SOS2: variants seen among roughly 807,000 people sequenced by gnomAD.
The protein encoded by SOS2 is son of sevenless homolog 2.
SOS2 carries 65 observed loss-of-function variants against 148.2 expected under a neutral mutation model. The observed-to-expected ratio is 0.44, with a 90% CI of 0.36 to 0.54. The LOEUF is 0.54. Among genes scored for constraint, SOS2 ranks in the 20% least tolerant of loss-of-function variants. The pLI is 0.00. For missense variants in SOS2, 1,341 were observed against 1,590.2 expected, an observed-to-expected ratio of 0.84 and a Z score of 2.67; for synonymous variants, 539 against 537.1, an observed-to-expected ratio of 1.00 and a Z score of -0.05.
intron 1 of SOS2, among the ~76,000 whole-genome samples, chr14:50,218,982 G>A (rs1481684394): frequency 6.6e-6 from 1 of 151,960 alleles, no homozygotes; most frequent in African/African-American, 2.4e-5. Context: ...GCGTGGTGGG[G>A]CGTGCCTGTA....
chr14:50,140,710 T>C (rs909474930), intron 16 of SOS2, among the ~76,000 whole-genome samples: 2 of 151,802 alleles, frequency 1.3e-5, no homozygotes, highest in African/African-American at 2.4e-5. Flanking sequence ...CATGGACAAG[T>C]ATAAGAAATA....
At chr14:50,196,552 C>T (rs973323373) in intron 4 of SOS2, among the ~76,000 whole-genome samples, 1 of 151,922 alleles carries the variant, frequency 6.6e-6, no homozygotes, top group Non-Finnish European at 1.5e-5. Flanking sequence ...ATTAACCATC[C>T]CCATTTCCCC....
intron 1 of SOS2, among the ~76,000 whole-genome samples, chr14:50,210,891 T>C (rs1212489514): frequency 1.3e-5 from 2 of 152,172 alleles, no homozygotes; most frequent in Admixed American, 6.6e-5. Flanking sequence ...TAATATCAAA[T>C]GTTGGTAACT....
rs1282240540 is a variant in SOS2 at position 50,159,682 on chromosome 14, T to C, written c.1601A>G (p.Asn534Ser). Residue 534 changes from asparagine to serine, a missense_variant, in exon 10 of 23, where the codon AAC (asparagine) becomes AGC (serine). Around this residue, in one of 4 missense-constraint regions of SOS2, gnomAD observed 574 missense variants for 711.1 expected, o/e 0.81. Transcript: ENST00000216373. ...AAGAGAAATAAGGGCTGCCATCCAG[T>C]TGTTTTTTTCTTCAGCAGACTTAGC... ...FAAKSAEEKN[N>S]WMAALISLHY... The C allele has an allele frequency of 6.2e-7, 1 of 1,614,132 alleles. No individual in the cohort carries two copies. The highest frequency in any genetic ancestry group is 1.1e-5 in the South Asian group (1 of 91,084).
chr14:50,167,143 A>C (rs546204315), intron 8 of SOS2, among the ~76,000 whole-genome samples: 1 of 152,226 alleles, frequency 6.6e-6, no homozygotes, highest in African/African-American at 2.4e-5. Context: ...AAAAAAACAC[A>C]TAAGAAAGTT....
At chr14:50,181,980 T>C (rs1486170940) in intron 6 of SOS2, among the ~76,000 whole-genome samples, 1 of 144,478 alleles carries the variant, frequency 6.9e-6, no homozygotes, top group Non-Finnish European at 1.5e-5. Flanking sequence ...TCATCTTGAA[T>C]ATACTTACCA....
chr14:50,127,648 C>A (rs1002048299), intron 21 of SOS2, among the ~76,000 whole-genome samples: 2 of 152,146 alleles, frequency 1.3e-5, no homozygotes, highest in Non-Finnish European at 2.9e-5. Flanking sequence ...TCATTTAAGG[C>A]TCTGTATATT....
intron 5 of SOS2, among the ~76,000 whole-genome samples, chr14:50,186,222 TA>T (rs1284425114): frequency 1.3e-5 from 2 of 152,040 alleles, no homozygotes; most frequent in Admixed American, 1.3e-4. Context: ...CAGAGATAGA[TA>T]AAAAAGGGAT....
At chr14:50,211,669 G>A (rs1181047221) in intron 1 of SOS2, among the ~76,000 whole-genome samples, 1 of 151,746 alleles carries the variant, frequency 6.6e-6, no homozygotes, top group East Asian at 1.9e-4. Context: ...TGTTGCCCAG[G>A]CTGGCCTTGA....
In SOS2 at chr14:50,204,300, G is replaced by T; in HGVS notation, c.197C>A (p.Thr66Asn). The T allele has an allele frequency of 6.2e-7, 1 of 1,600,872 alleles. No individual in the cohort carries two copies. The highest frequency in any genetic ancestry group is 8.5e-7 in the Non-Finnish European group (1 of 1,173,766). Residue 66 changes from threonine (T) to asparagine (N), a missense_variant, in exon 2 of 23, where the codon ACT becomes AAT. By Grantham distance (65) the Thr-to-Asn change is moderately conservative. Around this residue, in one of 4 missense-constraint regions of SOS2, gnomAD observed 574 missense variants for 711.1 expected, o/e 0.81. Coordinates refer to ENST00000216373, the MANE Select transcript of SOS2 (RefSeq NM_006939.4). ...AATTTTTACCTCTACATCTTGAACA[G>T]TCCTTGGCTGGGCCATGCATAATTT... ...LNKLCMAQPRTVQDVEERVQK... is the reference protein window; with the variant it reads ...LNKLCMAQPRNVQDVEERVQK...
At position 50,118,311 on chromosome 14, in the gene SOS2, C is replaced by T; in HGVS notation, c.*33G>A. On this transcript the variant is annotated 3_prime_UTR_variant, in exon 23 of 23. Transcript: ENST00000216373. ...ATTAAAAAAAAAACTTTACAAATAC[C>T]ATTCCAGTGTCAATGACTACATATG... 2 of 1,510,058 alleles carry T rather than the reference C, an allele frequency of 1.3e-6. No individual in the cohort carries two copies. The highest frequency in any genetic ancestry group is 1.3e-5 in the South Asian group (1 of 77,086). 93.5% of individuals were successfully genotyped at this position (1,510,058 alleles called of 1,614,324 possible).
chr14:50,201,470 G>A (rs1044755747), intron 2 of SOS2, among the ~76,000 whole-genome samples: 15 of 150,382 alleles, frequency 1.0e-4, no homozygotes, highest in African/African-American at 3.7e-4. Flanking sequence ...GGAGGCGGAG[G>A]TTGCAGCAAG....
chr14:50,143,479 C>T (rs1025510783), intron 16 of SOS2, among the ~76,000 whole-genome samples: 1 of 152,094 alleles, frequency 6.6e-6, no homozygotes, highest in African/African-American at 2.4e-5. Context: ...ACTCTGTTGC[C>T]CAGGCTAGAG....
intron 1 of SOS2, among the ~76,000 whole-genome samples, chr14:50,227,893 T>C (rs190538254): frequency 6.6e-6 from 1 of 152,350 alleles, no homozygotes; most frequent in African/African-American, 2.4e-5. Context: ...CCAGTTTTCA[T>C]AAAAACTAGC....
intron 4 of SOS2, among the ~76,000 whole-genome samples, chr14:50,189,061 T>TCG (rs754710630): frequency 1.6e-5 from 2 of 128,688 alleles, no homozygotes; most frequent in African/African-American, 5.8e-5. Context: ...CGAGACTCCA[T>TCG]CACACACACA....
rs181239604 is a variant in SOS2, at chr14:50,120,653, T to G, written c.3380-269A>C. On this transcript the variant is annotated intron_variant, in intron 21 of 22. Transcript: ENST00000216373. ...TTATGATTAATGAGATTCTGCTCCC[T>G]GAAAAGCCTTTCACAAATCAAAACA... 3.0e-3 allele frequency among the ~76,000 whole-genome samples: 461 copies of G among 151,910 alleles called. 4 individuals carry two copies. Among genetic ancestry groups the G allele is most frequent in the African/African-American group, 0.011 (438 of 41,448 alleles).
At chr14:50,138,425 T>G (rs575567693) in intron 18 of SOS2, among the ~76,000 whole-genome samples, 187 bp downstream of exon 18, 1 of 152,238 alleles carries the variant, frequency 6.6e-6, no homozygotes, top group East Asian at 1.9e-4. Context: ...CCTCCCAAAG[T>G]GCTGGGATTA....
intron 1 of SOS2, among the ~76,000 whole-genome samples, chr14:50,228,457 T>C (rs1368619079): frequency 1.3e-5 from 2 of 152,226 alleles, no homozygotes; most frequent in Non-Finnish European, 1.5e-5. Context: ...TATTCCCTTA[T>C]TAAATTGCCT....
chr14:50,145,511 G>C lies in SOS2; in HGVS notation c.2470C>G (p.Arg824Gly). The change falls in exon 15 of 23, where the codon CGC becomes GGC. Residue 824 changes from arginine (R) to glycine (G), a missense_variant. Coordinates refer to ENST00000216373, the MANE Select transcript of SOS2 (RefSeq NM_006939.4). ...CAGAGGGTGAGATTTGTGGTATGGC[G>C]AATCATTTTTAATAAATTTGGAGAA... ...INSPNLLKMI[R>G]HTTNLTLWFE... is the part of the protein sequence containing the mutation. 6.2e-7 allele frequency: 1 copy of C among 1,606,572 alleles called. No homozygotes were observed. Among genetic ancestry groups the C allele is most frequent in the Non-Finnish European group, 8.5e-7 (1 of 1,174,322 alleles).
Sources: allele counts gnomAD v4.1 joint callset (sites outside exome capture counted in the v4.1 genomes callset), GRCh38; gene constraint gnomAD v4.1.1; regional missense constraint gnomAD v4.1.1; transcripts MANE v1.5; gene names NCBI Gene and HGNC (gene_info 2026-07-23, HGNC 2026-07-21).